SPINK8: variants seen among roughly 807,000 people sequenced by gnomAD.
SPINK8 encodes serine protease inhibitor Kazal-type 8.
A neutral mutation model predicts 14.4 loss-of-function variants in SPINK8; 12 were observed. That is an observed-to-expected ratio of 0.83 (90% CI 0.53 to 1.35). The LOEUF (loss-of-function observed/expected upper bound fraction) is 1.35, where lower values mean the gene tolerates loss of function less well. Ranked by LOEUF, SPINK8 falls within the 40% of genes most tolerant of loss-of-function variation. The pLI, the probability that SPINK8 is intolerant of heterozygous loss-of-function variation, is 0.00. For missense variants in SPINK8, 103 were observed against 117.0 expected, an observed-to-expected ratio of 0.88 and a Z score of 0.55; for synonymous variants, 32 against 37.6, an observed-to-expected ratio of 0.85 and a Z score of 0.55.
chr3:48,319,053 A>G (rs543538728), intron 6 of SPINK8, among the ~76,000 whole-genome samples: 2 of 152,256 alleles, frequency 1.3e-5, no homozygotes, highest in Non-Finnish European at 2.9e-5. Flanking sequence ...AAGCAAAAGA[A>G]AGTTGTTTTG....
intron 4 of SPINK8, among the ~76,000 whole-genome samples, chr3:48,323,612 T>C (rs1206465449): frequency 6.6e-6 from 1 of 152,250 alleles, no homozygotes; most frequent in African/African-American, 2.4e-5. Flanking sequence ...TGAGGCATTA[T>C]AATTTGTGTC....
At chr3:48,313,462 T>C (rs1010923358) in intron 6 of SPINK8, among the ~76,000 whole-genome samples, 1 of 152,192 alleles carries the variant, frequency 6.6e-6, no homozygotes, top group Admixed American at 6.5e-5. Context: ...TATAATAATA[T>C]TTTTAAAAAG....
intron 5 of SPINK8, among the ~76,000 whole-genome samples, chr3:48,320,663 A>T (rs1249664552): frequency 6.6e-6 from 1 of 152,204 alleles, no homozygotes; most frequent in African/African-American, 2.4e-5. Context: ...GAAATACCTC[A>T]TAGGGCCTTG....
intron 3 of SPINK8, among the ~76,000 whole-genome samples, chr3:48,328,690 A>G (rs1292863899): frequency 6.6e-6 from 1 of 152,222 alleles, no homozygotes; most frequent in Non-Finnish European, 1.5e-5. Context: ...TAATCCCAGC[A>G]TTTTGGGAGG....
At chr3:48,329,385 A>C (rs550447505) in intron 2 of SPINK8, among the ~76,000 whole-genome samples, 111 bp from the exon 3 acceptor site, 8 of 152,336 alleles carry the variant, frequency 5.3e-5, no homozygotes, top group Middle Eastern at 3.4e-3. Context: ...TTCATATTTC[A>C]AATTTCTGAG....
At chr3:48,310,040 A>G (rs1380669287) in intron 6 of SPINK8, 94 bp from the exon 7 acceptor site, 25 of 1,240,120 alleles carry the variant, frequency 2.0e-5, no homozygotes, top group Admixed American at 4.4e-5. Flanking sequence ...TAAGTTTGGG[A>G]AATAAACATT....
intron 4 of SPINK8, among the ~76,000 whole-genome samples, chr3:48,327,601 A>C (rs2036163315): frequency 1.3e-5 from 2 of 152,140 alleles, no homozygotes; most frequent in African/African-American, 4.8e-5. Flanking sequence ...AAGGTGAGGA[A>C]GTGTAGAAAT....
chr3:48,307,611 G>A (rs1046705903), intron 7 of SPINK8, among the ~76,000 whole-genome samples: 1 of 149,102 alleles, frequency 6.7e-6, no homozygotes, highest in African/African-American at 2.5e-5. Flanking sequence ...TGATTTAGGG[G>A]AAGGTGCCAA....
At chr3:48,311,863 T>C (rs983165339) in intron 6 of SPINK8, among the ~76,000 whole-genome samples, 1 of 152,234 alleles carries the variant, frequency 6.6e-6, no homozygotes, top group African/African-American at 2.4e-5. Flanking sequence ...GTGGCCTTTA[T>C]ATTTTGTGGA....
chr3:48,327,738 C>T (rs921594393), intron 4 of SPINK8, among the ~76,000 whole-genome samples: 3 of 152,070 alleles, frequency 2.0e-5, no homozygotes, highest in Non-Finnish European at 4.4e-5. Flanking sequence ...ACAGAACTCT[C>T]CTAAGATGTG....
intron 6 of SPINK8, among the ~76,000 whole-genome samples, chr3:48,312,037 G>T (rs564694973): frequency 1.3e-5 from 2 of 152,172 alleles, no homozygotes; most frequent in African/African-American, 4.8e-5. Context: ...GGGAGGCTGA[G>T]GCAGGAGGAT....
At chr3:48,328,138 G>A (rs1176276436) in intron 4 of SPINK8, 137 bp downstream of exon 4, 2 of 673,292 alleles carry the variant, frequency 3.0e-6, no homozygotes, top group African/African-American at 1.8e-5. Context: ...CTTTCTCTGG[G>A]TTTTAATTTC....
intron 6 of SPINK8, among the ~76,000 whole-genome samples, chr3:48,310,670 T>G (rs1337902300): frequency 6.6e-6 from 1 of 152,100 alleles, no homozygotes; most frequent in East Asian, 1.9e-4. Context: ...GCTAATTTTT[T>G]GTATTTTTAG....
At chr3:48,327,693 A>C (rs1288699678) in intron 4 of SPINK8, among the ~76,000 whole-genome samples, 1 of 152,212 alleles carries the variant, frequency 6.6e-6, no homozygotes, top group African/African-American at 2.4e-5. Flanking sequence ...TTTACGTAAG[A>C]TATGAGAGTC....
chr3:48,330,942 G>A (rs1211597166), intron 2 of SPINK8, among the ~76,000 whole-genome samples: 1 of 151,912 alleles, frequency 6.6e-6, no homozygotes, highest in African/African-American at 2.4e-5. Flanking sequence ...GGCATAGTAG[G>A]GGTCGTGCAG....
At chr3:48,312,859 G>A (rs1049037141) in intron 6 of SPINK8, among the ~76,000 whole-genome samples, 9 of 151,564 alleles carry the variant, frequency 5.9e-5, no homozygotes, top group African/African-American at 1.9e-4. Context: ...TTAGCTGGGC[G>A]TGGTGGTGCA....
In SPINK8 at chr3:48,332,384, C is replaced by G. The variant is rs147840688; in HGVS notation, c.-154G>C. Among the ~76,000 whole-genome samples the G allele has an allele frequency of 1.6e-4, 24 of 152,302 alleles. 1 individual carries two copies. The East Asian group carries it at 4.6e-3, about 29-fold the overall frequency. ...AACTTACCCTTTAAGATTAGTTGGC[C>G]TTCAATAGATCCAGATGACAGAGAG... is the stretch of plus-strand genomic sequence containing the variant. On this transcript the variant is annotated 5_prime_UTR_variant, in exon 2 of 8. Transcript: ENST00000434006.
intron 1 of SPINK8, among the ~76,000 whole-genome samples, chr3:48,333,038 G>A (rs2036286025): frequency 6.6e-6 from 1 of 152,008 alleles, no homozygotes; most frequent in African/African-American, 2.4e-5. Flanking sequence ...TATTAGTTGG[G>A]GAAGGAGCCG....
chr3:48,314,729 T>A (rs900082138), intron 6 of SPINK8, among the ~76,000 whole-genome samples: 1 of 152,238 alleles, frequency 6.6e-6, no homozygotes, highest in African/African-American at 2.4e-5. Flanking sequence ...TTTAACATCA[T>A]GGCTGCTGCA....
Sources: allele counts gnomAD v4.1 joint callset (sites outside exome capture counted in the v4.1 genomes callset), GRCh38; gene constraint gnomAD v4.1.1; transcripts MANE v1.5; gene names NCBI Gene and HGNC (gene_info 2026-07-23, HGNC 2026-07-21).